PHKB: variants seen among roughly 807,000 people sequenced by gnomAD.
PHKB encodes phosphorylase b kinase regulatory subunit beta.
A neutral mutation model predicts 152.1 loss-of-function variants in PHKB; 122 were observed. The observed-to-expected ratio is 0.80, with a 90% CI of 0.69 to 0.93. The LOEUF (loss-of-function observed/expected upper bound fraction) is 0.93, where lower values mean the gene tolerates loss of function less well. Ranked by LOEUF, PHKB falls within the 40% of genes least tolerant of loss-of-function variation. The pLI is 0.00. For missense variants in PHKB, 1,304 were observed against 1,328.4 expected (o/e 0.98, Z 0.29); for synonymous variants, 436 against 464.9 (o/e 0.94, Z 0.80).
At chr16:47,466,563 C>A (rs1969672511) in intron 1 of PHKB, among the ~76,000 whole-genome samples, 1 of 152,194 alleles carries the variant, frequency 6.6e-6, no homozygotes. Flanking sequence ...TCTACCTTGG[C>A]TCCCTAAGTT....
At chr16:47,532,643 G>A (rs577033342) in intron 6 of PHKB, among the ~76,000 whole-genome samples, 1 of 152,370 alleles carries the variant, frequency 6.6e-6, no homozygotes, top group Non-Finnish European at 1.5e-5. Flanking sequence ...TGGACCAGGT[G>A]CACTGTAAGC....
At chr16:47,541,138 C>T (rs1164399034) in intron 6 of PHKB, among the ~76,000 whole-genome samples, 1 of 152,064 alleles carries the variant, frequency 6.6e-6, no homozygotes, top group African/African-American at 2.4e-5. Flanking sequence ...TAATGCTACC[C>T]CTTCCCCATC....
intron 6 of PHKB, among the ~76,000 whole-genome samples, chr16:47,531,014 A>C (rs1970852911): frequency 6.6e-6 from 1 of 152,196 alleles, no homozygotes; most frequent in Admixed American, 6.5e-5. Context: ...AGAAGGAAAA[A>C]TATGAAGGGA....
chr16:47,484,507 G>T (rs1970017827), intron 1 of PHKB, among the ~76,000 whole-genome samples: 1 of 152,064 alleles, frequency 6.6e-6, no homozygotes, highest in Admixed American at 6.6e-5. Context: ...AAATAATTTT[G>T]GAGCAATCTC....
At chr16:47,643,151 A>G (rs1973055468) in intron 16 of PHKB, among the ~76,000 whole-genome samples, 1 of 152,230 alleles carries the variant, frequency 6.6e-6, no homozygotes, top group Admixed American at 6.5e-5. Flanking sequence ...CCTACCAGAC[A>G]ACATGCAGTC....
intron 6 of PHKB, among the ~76,000 whole-genome samples, chr16:47,534,302 G>T (rs925339881): frequency 6.6e-6 from 1 of 152,204 alleles, no homozygotes; most frequent in Non-Finnish European, 1.5e-5. Context: ...TGTTGGTGGG[G>T]CCTGGACTTA....
intron 20 of PHKB, among the ~76,000 whole-genome samples, chr16:47,654,204 A>G (rs554831744): frequency 3.3e-5 from 5 of 152,336 alleles, no homozygotes; most frequent in African/African-American, 1.2e-4. Flanking sequence ...ACTACGATCA[A>G]TATGCTTAAC....
intron 8 of PHKB, among the ~76,000 whole-genome samples, chr16:47,582,917 C>T (rs1453146819): frequency 1.3e-5 from 2 of 152,216 alleles, no homozygotes; most frequent in Non-Finnish European, 2.9e-5. Context: ...CTGCCTCAGC[C>T]TCCCGAGTAG....
chr16:47,668,930 C>T (rs1002630894), intron 25 of PHKB, among the ~76,000 whole-genome samples: 1 of 152,144 alleles, frequency 6.6e-6, no homozygotes, highest in Non-Finnish European at 1.5e-5. Context: ...ATAATTTTAA[C>T]TTAATTTATA....
At chr16:47,697,842 G>T (rs1293854973) in intron 29 of PHKB, among the ~76,000 whole-genome samples, 2 of 152,212 alleles carry the variant, frequency 1.3e-5, no homozygotes, top group Non-Finnish European at 1.5e-5. Flanking sequence ...AAGCAATAGG[G>T]TGATTCATTA....
intron 26 of PHKB, among the ~76,000 whole-genome samples, chr16:47,685,155 A>G (rs1054850097): frequency 8.6e-5 from 13 of 152,044 alleles, no homozygotes; most frequent in African/African-American, 2.9e-4. Flanking sequence ...GGCCAGGCAC[A>G]GTGGCTTACG....
chr16:47,592,901 G>A (rs958972048), intron 10 of PHKB, among the ~76,000 whole-genome samples: 2 of 152,188 alleles, frequency 1.3e-5, no homozygotes, highest in East Asian at 3.9e-4. Context: ...CAACTTTATT[G>A]CTATAAACAA....
chr16:47,577,354 TCAGA>T (rs371340204), intron 7 of PHKB, among the ~76,000 whole-genome samples: 158 of 152,280 alleles, frequency 1.0e-3, no homozygotes, highest in Non-Finnish European at 1.7e-3. Context: ...TAGAATCATA[TCAGA>T]CAGTGTTATA....
chr16:47,485,480 G>T (rs1170265954), intron 1 of PHKB, among the ~76,000 whole-genome samples: 1 of 152,202 alleles, frequency 6.6e-6, no homozygotes, highest in Non-Finnish European at 1.5e-5. Context: ...TTAAATCAGA[G>T]AATGTGGATG....
chr16:47,548,596 G>C (rs1459770009), intron 7 of PHKB, among the ~76,000 whole-genome samples: 2 of 142,788 alleles, frequency 1.4e-5, no homozygotes, highest in African/African-American at 5.4e-5. Context: ...GACAGAGCAA[G>C]ACTCCGTCTC....
In PHKB at chr16:47,663,915, C is replaced by CAA. The variant is rs1159575627; in HGVS notation, c.2336+184_2336+185dup. 4.8e-6 allele frequency: 3 copies of CAA among 631,438 alleles called. No individual in the cohort carries two copies. In the African/African-American group the frequency reaches 5.5e-5, roughly 12 times the overall value. The allele number at this position is 631,438 out of a possible 1,614,324, so 39.1% of individuals were successfully genotyped here. A position where few individuals can be genotyped will look rare whatever the true frequency, so the allele number is the denominator to read the frequency against. ...ATGTCTGTCCCCCCACTGCCTCCACCAAAATTCTGAGAACAAAGACACTGT... is the reference window on the plus strand; with the variant it reads ...ATGTCTGTCCCCCCACTGCCTCCACCAAAAAATTCTGAGAACAAAGACACTGT... On this transcript the variant is annotated intron_variant, in intron 24 of 30. Transcript: ENST00000323584.
At chr16:47,663,581 T>C in intron 23 of PHKB, 96 bp from the exon 24 acceptor site, 1 of 950,342 alleles carries the variant, frequency 1.1e-6, no homozygotes, top group South Asian at 1.4e-5. Flanking sequence ...TCAACTCTAG[T>C]GAAGCACAGT....
intron 6 of PHKB, among the ~76,000 whole-genome samples, chr16:47,538,154 C>G (rs773836583): frequency 6.6e-6 from 1 of 152,110 alleles, no homozygotes; most frequent in Non-Finnish European, 1.5e-5. Flanking sequence ...CTCAGCCTCC[C>G]GAAGTGCTAG....
At position 47,547,569 on chromosome 16, in the gene PHKB, G is replaced by GT. The variant is rs201321914; in HGVS notation, c.710+31dup. ...TCGAGGTAATTTGCTGATTTCTGAG[G>GT]TTTTTTTTTTAAATTAAATGTATGG... On this transcript the variant is annotated intron_variant, in intron 7 of 30. Coordinates refer to ENST00000323584, the MANE Select transcript of PHKB (RefSeq NM_000293.3). 0.011 allele frequency: 13,150 copies of GT among 1,172,778 alleles called. 21 individuals carry two copies. The highest frequency in any genetic ancestry group is 0.033 in the African/African-American group (2,121 of 64,916). 72.6% of individuals were successfully genotyped at this position (1,172,778 alleles called of 1,614,324 possible).
Sources: gnomAD v4.1 joint callset for allele counts (sites outside exome capture counted in the v4.1 genomes callset) on GRCh38, gnomAD v4.1.1 for gene constraint, MANE v1.5 for transcripts, NCBI Gene and HGNC (gene_info 2026-07-23, HGNC 2026-07-21) for gene names.